The following COX18 variants were observed in gnomAD, a reference collection of about 807,000 sequenced individuals.
COX18 encodes cytochrome c oxidase assembly factor COX18.
A neutral mutation model predicts 38.0 loss-of-function variants in COX18; 45 were observed. The ratio of observed to expected loss-of-function variants is 1.18; its 90% CI spans 0.93 to 1.52. The LOEUF is 1.52. Ranked by LOEUF, COX18 falls within the 40% of genes most tolerant of loss-of-function variation. The pLI is 0.00. For missense variants in COX18, 462 were observed against 423.8 expected (o/e 1.09, Z -0.79); for synonymous variants, 177 against 169.8 (o/e 1.04, Z -0.33).
intron 2 of COX18, among the ~76,000 whole-genome samples, chr4:73,066,572 T>G (rs1457040946): frequency 6.6e-6 from 1 of 152,276 alleles, no homozygotes; most frequent in East Asian, 1.9e-4. Flanking sequence ...CCAGAAGCCC[T>G]CAGATGTTTC....
chr4:73,067,534 A>G (rs1720508846), intron 2 of COX18, among the ~76,000 whole-genome samples: 1 of 152,052 alleles, frequency 6.6e-6, no homozygotes, highest in East Asian at 1.9e-4. Context: ...TGCCATATTA[A>G]TAACTTATGA....
rs192401568 is a variant in COX18 at position 73,069,300 on chromosome 4, G to A, written c.333+17C>T. On this transcript the variant is annotated intron_variant, in intron 1 of 5. Transcript: ENST00000507544. ...GGGTTGCAGCGCAGGGTACGCGCAC[G>A]GCTCGGCGCCCCTCACCTTGGCCAG... is the stretch of plus-strand genomic sequence containing the variant. 17 of 1,487,262 alleles carry A rather than the reference G, an allele frequency of 1.1e-5. No homozygotes were observed. The highest frequency in any genetic ancestry group is 2.5e-5 in the East Asian group (1 of 40,246). 92.1% of individuals were successfully genotyped at this position (1,487,262 alleles called of 1,614,324 possible).
chr4:73,060,371 G>A (rs1184855966), intron 5 of COX18, among the ~76,000 whole-genome samples: 3 of 151,816 alleles, frequency 2.0e-5, no homozygotes, highest in African/African-American at 4.8e-5. Flanking sequence ...TAGTGAATCT[G>A]TGCCGTTCTA....
chr4:73,065,796 C>T (rs1720419889), intron 2 of COX18, among the ~76,000 whole-genome samples: 1 of 152,232 alleles, frequency 6.6e-6, no homozygotes, highest in Admixed American at 6.5e-5. Context: ...AACTTAACCA[C>T]TTCATCCCTG....
chr4:73,067,954 ATGTGTG>A (rs10610509), intron 2 of COX18, 69 bp downstream of exon 2: 218,316 of 582,364 alleles, frequency 0.37, 13,636 homozygotes, highest in South Asian at 0.42. Flanking sequence ...CAATTTATGT[ATGTGTG>A]TGTGTGTGTG....
chr4:73,064,675 CAG>C (rs1720338776), intron 4 of COX18, 101 bp downstream of exon 4: 18 of 1,350,922 alleles, frequency 1.3e-5, no homozygotes, highest in Non-Finnish European at 1.7e-5. Context: ...ACTTCTAACT[CAG>C]AGCTATCTTC....
chr4:73,068,186 T>TAGTAACTGCGACCAAC, intron 1 of COX18, 57 bp from the exon 2 acceptor site: 3 of 1,041,494 alleles, frequency 2.9e-6, no homozygotes, highest in Non-Finnish European at 4.2e-6. Flanking sequence ...TCATAATGAC[T>TAGTAACTGCGACCAAC]CATAATCTTT....
Position 73,069,507 on chromosome 4 carries a change from G to A in COX18, c.143C>T (p.Ala48Val), listed in dbSNP as rs772209172. 3.8e-6 allele frequency: 6 copies of A among 1,589,684 alleles called. No homozygotes were observed. The South Asian group carries it at 5.7e-5, about 15-fold the overall frequency. The change falls in exon 1 of 6, where the codon GCA becomes GTA. Residue 48 changes from alanine to valine, a missense_variant. Ala to Val is a moderately conservative substitution (Grantham distance 64, BLOSUM62 0). Transcript: ENST00000507544. ...CTCGTACCAGCCGTTCGCATGTACT[G>A]CAGAGACTGGTGCCACTGCCCACAC... Reference protein sequence around the residue: ...LPVWAVAPVSAVHANGWYEAL... With the variant: ...LPVWAVAPVSVVHANGWYEAL...
intron 2 of COX18, among the ~76,000 whole-genome samples, chr4:73,066,408 G>A (rs1720448544): frequency 6.6e-6 from 1 of 152,094 alleles, no homozygotes; most frequent in African/African-American, 2.4e-5. Flanking sequence ...CAGGAAGCTG[G>A]CCAACACTGT....
rs1037779768 is a variant in COX18, at chr4:73,065,468, G to A, written c.435-55C>T. On this transcript the variant is annotated intron_variant, in intron 2 of 5. Transcript: ENST00000507544. ...AAAGAGAAAATGTCATCTAAGAATC[G>A]TGCTTTATTTCCATAGCACAAATAG... is the stretch of plus-strand genomic sequence containing the variant. The A allele has an allele frequency of 3.6e-5, 54 of 1,485,672 alleles. No individual in the cohort carries two copies. In the Admixed American group the frequency reaches 8.5e-4, roughly 23 times the overall value. The allele number at this position is 1,485,672 out of a possible 1,614,324, so 92.0% of individuals were successfully genotyped here. A position where few individuals can be genotyped will look rare whatever the true frequency, so the allele number is the denominator to read the frequency against.
Position 73,056,588 on chromosome 4 carries a change from TTTA to T in COX18, c.*1523_*1525del, listed in dbSNP as rs1719894125. ...TTAGGGACTTGTATGCATGGACTAC[TTTA>T]CTGCATATATTTCAAGTTGCCCCCG... On this transcript the variant is annotated 3_prime_UTR_variant, in exon 6 of 6. Transcript: ENST00000507544. 1 of 152,222 alleles carries T rather than the reference TTTA, an allele frequency of 6.6e-6. No homozygotes were observed. Among genetic ancestry groups the T allele is most frequent in the Admixed American group, 6.5e-5 (1 of 15,278 alleles). 9.4% of individuals were successfully genotyped at this position (152,222 alleles called of 1,614,324 possible).
intron 5 of COX18, among the ~76,000 whole-genome samples, chr4:73,058,524 G>C (rs888579581): frequency 2.0e-5 from 3 of 152,120 alleles, no homozygotes; most frequent in African/African-American, 7.2e-5. Flanking sequence ...AGTAAAAAGA[G>C]AGAAGCTCCT....
rs377602342 is a variant in COX18, at chr4:73,069,560, C to A, written c.90G>T (p.Thr30=). ...ARDLPLAPVP[T]SGAKRPTLPV... ...GGAGAGTGGGGCGCTTGGCGCCGCT[C>A]GTAGGAACCGGCGCAAGCGGCAGGT... Residue 30 remains threonine (T), a synonymous_variant, in exon 1 of 6, where the codon ACG becomes ACT. Transcript: ENST00000507544. The A allele has an allele frequency of 7.7e-6, 12 of 1,568,556 alleles. No individual in the cohort carries two copies. Among genetic ancestry groups the A allele is most frequent in the Non-Finnish European group, 1.0e-5 (12 of 1,157,472 alleles).
At chr4:73,062,570 C>A (rs1345710256) in intron 4 of COX18, among the ~76,000 whole-genome samples, 2 of 152,152 alleles carry the variant, frequency 1.3e-5, no homozygotes, top group African/African-American at 4.8e-5. Context: ...AGGCTGGGGG[C>A]CTGTAATCCC....
In COX18 at chr4:73,055,053, T is replaced by C. The variant is rs1458554612; in HGVS notation, c.*3061A>G. 1 of 152,256 alleles carries C rather than the reference T, an allele frequency of 6.6e-6. No individual in the cohort carries two copies. The highest frequency in any genetic ancestry group is 1.5e-5 in the Non-Finnish European group (1 of 68,046). 9.4% of individuals were successfully genotyped at this position (152,256 alleles called of 1,614,324 possible). Reference sequence around the variant, plus strand: ...GGGAAAAGGAGACTGATTTCCCTCATGCCATTATGAGAAAAATATCTGAGT... The same window carrying C: ...GGGAAAAGGAGACTGATTTCCCTCACGCCATTATGAGAAAAATATCTGAGT... On this transcript the variant is annotated 3_prime_UTR_variant, in exon 6 of 6. Transcript: ENST00000507544.
At chr4:73,060,700 C>T (rs1295865730) in intron 5 of COX18, among the ~76,000 whole-genome samples, 2 of 151,744 alleles carry the variant, frequency 1.3e-5, no homozygotes, top group African/African-American at 2.4e-5. Context: ...GCCAACATGA[C>T]GAAACCCCAC....
In COX18 at chr4:73,064,806, A is replaced by T; in HGVS notation, c.695T>A (p.Val232Asp). 6.2e-7 allele frequency: 1 copy of T among 1,613,964 alleles called. No individual in the cohort carries two copies. Among genetic ancestry groups the T allele is most frequent in the Non-Finnish European group, 8.5e-7 (1 of 1,179,870 alleles). The change falls in exon 4 of 6, where the codon GTT becomes GAT. Residue 232 changes from valine to aspartate, a missense_variant. Transcript: ENST00000507544. Reference sequence around the variant, plus strand: ...CACTATTAACAAATTGATGACGCCAACAGAGATAGGCAGAATCCAAGTGGA... The same window carrying T: ...CACTATTAACAAATTGATGACGCCATCAGAGATAGGCAGAATCCAAGTGGA... ...PDSTWILPIS[V>D]GVINLLIVEI...
intron 5 of COX18, 45 bp downstream of exon 5, chr4:73,061,768 G>C (rs1409835926): frequency 5.8e-6 from 6 of 1,043,464 alleles, no homozygotes; most frequent in Admixed American, 5.5e-5. Context: ...GCTAAAGTCA[G>C]AGAGGATTTA....
intron 4 of COX18, 118 bp downstream of exon 4, chr4:73,064,660 A>T: frequency 2.7e-6 from 3 of 1,098,192 alleles, no homozygotes; most frequent in Admixed American, 2.1e-5. Flanking sequence ...GAACCAAGGG[A>T]TCTCACTTCT....
Sources: gnomAD v4.1 joint callset for allele counts (sites outside exome capture counted in the v4.1 genomes callset) on GRCh38, gnomAD v4.1.1 for gene constraint, MANE v1.5 for transcripts, NCBI Gene and HGNC (gene_info 2026-07-23, HGNC 2026-07-21) for gene names.